CADM2: variants seen among roughly 807,000 people sequenced by gnomAD.
CADM2 encodes the protein immunoglobulin superfamily member 4D.
Under a neutral mutation model 49.8 loss-of-function variants are expected in CADM2, and 12 were observed. The ratio of observed to expected loss-of-function variants is 0.24; its 90% CI spans 0.15 to 0.39. The LOEUF is 0.39. Ranked by LOEUF, CADM2 falls within the 10% of genes least tolerant of loss-of-function variation. CADM2 has a pLI of 1.00. For missense variants in CADM2, 378 were observed against 492.3 expected (o/e 0.77, Z 2.20); for synonymous variants, 214 against 175.4 (o/e 1.22, Z -1.74).
chr3:85,983,842 ATCTG>A (rs1359147323), intron 8 of CADM2, among the ~76,000 whole-genome samples: 1 of 151,602 alleles, frequency 6.6e-6, no homozygotes, highest in South Asian at 2.1e-4. Flanking sequence ...TTCATCTACC[ATCTG>A]TCTGTCCTTT....
At chr3:84,963,886 GTTTTCTCACTCCC>G (rs1240763083) in intron 1 of CADM2, among the ~76,000 whole-genome samples, 12 of 142,774 alleles carry the variant, frequency 8.4e-5, no homozygotes, top group Non-Finnish European at 1.8e-4. Context: ...TTGAAATACA[GTTTTCTCACTCCC>G]TTTTTTGATT....
chr3:85,522,674 T>A (rs2106906694), intron 1 of CADM2, among the ~76,000 whole-genome samples: 1 of 152,194 alleles, frequency 6.6e-6, no homozygotes, highest in Non-Finnish European at 1.5e-5. Flanking sequence ...CACCAAGAAA[T>A]CAAGAAGCTT....
At chr3:85,580,309 A>G (rs541570833) in intron 1 of CADM2, among the ~76,000 whole-genome samples, 3 of 152,100 alleles carry the variant, frequency 2.0e-5, no homozygotes, top group African/African-American at 7.2e-5. Flanking sequence ...CATGTTTAAT[A>G]TTTCTTTTGT....
chr3:85,426,308 AT>A (rs1286918471), intron 1 of CADM2, among the ~76,000 whole-genome samples: 2 of 151,550 alleles, frequency 1.3e-5, no homozygotes, highest in Non-Finnish European at 2.9e-5. Flanking sequence ...CACACAGCTT[AT>A]TTTTTGTAGA....
chr3:85,419,458 G>GA (rs11350830), intron 1 of CADM2, among the ~76,000 whole-genome samples: 36 of 144,138 alleles, frequency 2.5e-4, no homozygotes, highest in Middle Eastern at 7.1e-3. Context: ...ACTCCGTCTC[G>GA]AAAAAAAAAA....
intron 1 of CADM2, among the ~76,000 whole-genome samples, chr3:85,702,256 G>A (rs770228017): frequency 1.9e-4 from 29 of 151,886 alleles, no homozygotes; most frequent in Admixed American, 4.6e-4. Flanking sequence ...AACAACTCAG[G>A]GTAACTGTCA....
intron 1 of CADM2, among the ~76,000 whole-genome samples, chr3:85,264,987 C>A (rs1311862573): frequency 1.3e-5 from 2 of 151,928 alleles, no homozygotes; most frequent in Non-Finnish European, 2.9e-5. Context: ...TTTAACCTCT[C>A]TGAGCTATGA....
intron 5 of CADM2, among the ~76,000 whole-genome samples, chr3:85,911,586 A>G (rs1422095836): frequency 3.9e-5 from 6 of 152,184 alleles, no homozygotes; most frequent in Admixed American, 3.3e-4. Context: ...TCTCATCCTA[A>G]GTATCCTTTA....
chr3:85,239,308 C>A (rs1190119786), intron 1 of CADM2, among the ~76,000 whole-genome samples: 3 of 151,654 alleles, frequency 2.0e-5, no homozygotes, highest in Non-Finnish European at 4.4e-5. Flanking sequence ...CTTTAGATGG[C>A]AGACTGTGTG....
chr3:85,396,452 T>A (rs1332965684), intron 1 of CADM2, among the ~76,000 whole-genome samples: 1 of 152,160 alleles, frequency 6.6e-6, no homozygotes, highest in East Asian at 1.9e-4. Flanking sequence ...TAAATATAAT[T>A]GCTTAAATAA....
intron 1 of CADM2, 99 bp downstream of exon 1, chr3:84,959,767 T>C: frequency 8.6e-7 from 1 of 1,158,900 alleles, no homozygotes; most frequent in South Asian, 1.3e-5. Context: ...AGTCTCCCTG[T>C]CCCCAGCGAT....
At chr3:85,650,904 A>G (rs2107580635) in intron 1 of CADM2, among the ~76,000 whole-genome samples, 1 of 147,488 alleles carries the variant, frequency 6.8e-6, no homozygotes. Context: ...CTGCTCTTGC[A>G]GCAGTTATTT....
At chr3:85,826,041 A>C (rs1265853357) in intron 3 of CADM2, among the ~76,000 whole-genome samples, 1 of 152,090 alleles carries the variant, frequency 6.6e-6, no homozygotes, top group Non-Finnish European at 1.5e-5. Flanking sequence ...CTGAAAGTAA[A>C]ATAATCTAGC....
intron 1 of CADM2, among the ~76,000 whole-genome samples, chr3:85,480,415 A>T (rs1176028871): frequency 6.6e-6 from 1 of 151,890 alleles, no homozygotes; most frequent in Non-Finnish European, 1.5e-5. Context: ...CAAATTTGTG[A>T]CTGTGGGCAA....
At chr3:85,562,747 A>G (rs960520748) in intron 1 of CADM2, among the ~76,000 whole-genome samples, 1 of 152,158 alleles carries the variant, frequency 6.6e-6, no homozygotes, top group African/African-American at 2.4e-5. Context: ...ATGTGTTGCT[A>G]TACTTCATTC....
intron 1 of CADM2, among the ~76,000 whole-genome samples, chr3:85,263,360 A>G (rs1372634859): frequency 5.3e-5 from 8 of 152,130 alleles, no homozygotes; most frequent in Admixed American, 2.6e-4. Context: ...ACACACATAC[A>G]CATATATAAA....
At chr3:85,500,548 C>T (rs1436228557) in intron 1 of CADM2, among the ~76,000 whole-genome samples, 7 of 148,904 alleles carry the variant, frequency 4.7e-5, no homozygotes, top group African/African-American at 1.2e-4. Flanking sequence ...GACGGAGTGT[C>T]GCTCTGTTGG....
At chr3:85,854,069 A>G (rs1223075852) in intron 3 of CADM2, among the ~76,000 whole-genome samples, 3 of 152,204 alleles carry the variant, frequency 2.0e-5, no homozygotes, top group Non-Finnish European at 4.4e-5. Context: ...TTTCCAGGAT[A>G]TAGTAAGACA....
At chr3:85,877,684 G>GTTTTTTTTTTTTTTTTTTTTTTTTTTT (rs368101272) in intron 3 of CADM2, among the ~76,000 whole-genome samples, 3 of 112,028 alleles carry the variant, frequency 2.7e-5, no homozygotes, top group Non-Finnish European at 3.6e-5. Context: ...TTTTTCTTCT[G>GTTTTTTTTTTTTTTTTTTTTTTTTTTT]TTTTTTTTTT....
Sources: gnomAD v4.1 joint callset for allele counts (sites outside exome capture counted in the v4.1 genomes callset) on GRCh38, gnomAD v4.1.1 for gene constraint, MANE v1.5 for transcripts, NCBI Gene and HGNC (gene_info 2026-07-23, HGNC 2026-07-21) for gene names.